Variants in C1QTNF1 observed in about 807,000 individuals in gnomAD.
C1QTNF1 encodes complement C1q tumor necrosis factor-related protein 1.
C1QTNF1 carries 22 observed loss-of-function variants against 27.8 expected under a neutral mutation model. The ratio of observed to expected loss-of-function variants is 0.79; its 90% CI spans 0.56 to 1.13. The LOEUF is 1.13. Among genes scored for constraint, C1QTNF1 ranks in the 50% most tolerant of loss-of-function variants. The pLI is 0.00. For missense variants in C1QTNF1, 373 were observed against 380.2 expected, an observed-to-expected ratio of 0.98 and a Z score of 0.16; for synonymous variants, 166 against 154.3, an observed-to-expected ratio of 1.08 and a Z score of -0.56.
chr17:79,043,957 C>G lies in C1QTNF1; in HGVS notation c.-12C>G. The stretch of plus-strand genomic sequence containing the variant: ...CCTGTGTGTTTCTTTCCCACCAGGG[C>G]CCGGCAGGAAGATGGGCTCCCGTGG... On this transcript the variant is annotated splice_region_variant and 5_prime_UTR_variant, in exon 2 of 4. Transcript: ENST00000579760. 6.2e-7 allele frequency: 1 copy of G among 1,613,934 alleles called. No homozygotes were observed. The highest frequency in any genetic ancestry group is 8.5e-7 in the Non-Finnish European group (1 of 1,180,018).
In C1QTNF1 at chr17:79,049,777, G is replaced by A. The variant is rs2145943060; in HGVS notation, c.*1689G>A. The A allele has an allele frequency of 6.6e-6, 1 of 152,372 alleles. No individual in the cohort carries two copies. Among genetic ancestry groups the A allele is most frequent in the Non-Finnish European group, 1.5e-5 (1 of 68,054 alleles). 9.4% of individuals were successfully genotyped at this position (152,372 alleles called of 1,614,324 possible). ...TCCAGAAAACATTAAACTCAGAATT[G>A]TGTTTTCAGCATCCTGCCTCGTCAG... On this transcript the variant is annotated 3_prime_UTR_variant, in exon 4 of 4. Transcript: ENST00000579760. The surrounding 1 kb of genome is among the most constrained non-coding windows in gnomAD (Gnocchi z 4.4).
At chr17:79,030,319 T>TTG (rs142110810) in intron 1 of C1QTNF1, among the ~76,000 whole-genome samples, 11,710 of 147,858 alleles carry the variant, frequency 0.079, 1,032 homozygotes, top group African/African-American at 0.22. Flanking sequence ...CTTTGTGGTT[T>TTG]TGTGTGTGTG....
intron 1 of C1QTNF1, among the ~76,000 whole-genome samples, chr17:79,041,321 G>A (rs965002754): frequency 2.0e-5 from 3 of 152,186 alleles, no homozygotes; most frequent in African/African-American, 7.2e-5. Context: ...AAGACTGGGT[G>A]TAGGTATGTG....
At chr17:79,032,733 C>T (rs528867456) in intron 1 of C1QTNF1, among the ~76,000 whole-genome samples, 5 of 152,018 alleles carry the variant, frequency 3.3e-5, no homozygotes, top group African/African-American at 4.8e-5. Flanking sequence ...GTGGTAAGGA[C>T]GGGGGAGAAG....
In C1QTNF1 at chr17:79,034,878, C is replaced by T. The variant is rs74388487; in HGVS notation, c.-14-9077C>T. 1.2e-3 allele frequency among the ~76,000 whole-genome samples: 187 copies of T among 152,244 alleles called. 2 individuals carry two copies. In the East Asian group the frequency reaches 0.028, roughly 23 times the overall value. ...GCATCTCTCAGGAAAAGGGGCTGCT[C>T]GGCTCCATCTGGCGAGAATTCCTTC... is the stretch of plus-strand genomic sequence containing the variant. On this transcript the variant is annotated intron_variant, in intron 1 of 3. Transcript: ENST00000579760.
At chr17:79,030,231 A>T (rs755049774) in intron 1 of C1QTNF1, among the ~76,000 whole-genome samples, 1 of 152,166 alleles carries the variant, frequency 6.6e-6, no homozygotes, top group Non-Finnish European at 1.5e-5. Flanking sequence ...GAGAGGCCAA[A>T]ATAAGAAAAT....
chr17:79,029,891 T>A (rs1212684217), intron 1 of C1QTNF1, among the ~76,000 whole-genome samples: 2 of 152,226 alleles, frequency 1.3e-5, no homozygotes, highest in African/African-American at 4.8e-5. Flanking sequence ...GGAAAGGGCA[T>A]CTTGTTCCGT....
Position 79,046,883 on chromosome 17 carries a change from T to G in C1QTNF1, c.295+189T>G. ...ATTCTGATTTTGAGGCTCTGGCCCC[T>G]CTCCAAGAGGAGGGGTTGGAAAGGG... On this transcript the variant is annotated intron_variant, in intron 3 of 3. Coordinates refer to ENST00000579760, the MANE Select transcript of C1QTNF1 (RefSeq NM_030968.5). The surrounding 1 kb of genome is among the most constrained non-coding windows in gnomAD (Gnocchi z 4.8). 1 of 741,894 alleles carries G rather than the reference T, an allele frequency of 1.3e-6. No individual in the cohort carries two copies. 46.0% of individuals were successfully genotyped at this position (741,894 alleles called of 1,614,324 possible). A position where few individuals can be genotyped will look rare whatever the true frequency, so the allele number is the denominator to read the frequency against.
In C1QTNF1 at chr17:79,047,678, G is replaced by A. The variant is rs767734960; in HGVS notation, c.436G>A (p.Ala146Thr). 3 of 1,613,984 alleles carry A rather than the reference G, an allele frequency of 1.9e-6. No individual in the cohort carries two copies. Among genetic ancestry groups the A allele is most frequent in the South Asian group, 2.2e-5 (2 of 91,070 alleles). Residue 146 changes from alanine to threonine, a missense_variant, in exon 4 of 4, where the codon GCC (alanine) becomes ACC (threonine). Physicochemically the swap from Ala to Thr is moderately conservative, Grantham distance 58. Coordinates refer to ENST00000579760, the MANE Select transcript of C1QTNF1 (RefSeq NM_030968.5). Reference sequence around the variant, plus strand: ...TGGGGAGCGGTGCAAGAGCCACTACGCCGCCTTTTCGGTGGGCCGGAAGAA... The same window carrying A: ...TGGGGAGCGGTGCAAGAGCCACTACACCGCCTTTTCGGTGGGCCGGAAGAA... ...APGERCKSHY[A>T]AFSVGRKKPM...
At chr17:79,036,017 G>A (rs1422902459) in intron 1 of C1QTNF1, among the ~76,000 whole-genome samples, 3 of 152,064 alleles carry the variant, frequency 2.0e-5, no homozygotes, top group South Asian at 2.1e-4. Context: ...GGGTCTAAAC[G>A]CCTCTCAGAT....
At chr17:79,024,953 C>G (rs1004793166) in intron 1 of C1QTNF1, 1 of 152,412 alleles carries the variant, frequency 6.6e-6, no homozygotes, top group African/African-American at 2.4e-5. Context: ...ACCACCTGAC[C>G]GCCGGGTCTG....
chr17:79,043,169 ATG>A lies in C1QTNF1; in HGVS notation c.-14-779_-14-778del, dbSNP rs200334100. Among the ~76,000 whole-genome samples the A allele has an allele frequency of 7.6e-5, 11 of 144,312 alleles. No individual in the cohort carries two copies. In the East Asian group the frequency reaches 1.0e-3, roughly 14 times the overall value. The allele number at this position is 144,312 out of a possible 152,430, so 94.7% of individuals were successfully genotyped here. A position where few individuals can be genotyped will look rare whatever the true frequency, so the allele number is the denominator to read the frequency against. On this transcript the variant is annotated intron_variant, in intron 1 of 3. Transcript: ENST00000579760. ...TGCATGTGAGTGCATGTGATGGTAT[ATG>A]TGTGTGAGTGCATGTAAAAGTGTGC...
At chr17:79,033,040 C>T (rs1254770777) in intron 1 of C1QTNF1, among the ~76,000 whole-genome samples, 1 of 149,908 alleles carries the variant, frequency 6.7e-6, no homozygotes, top group Non-Finnish European at 1.5e-5. Context: ...TGTACTCCTG[C>T]CTGGGTGACA....
chr17:79,034,675 C>T (rs1248621416), intron 1 of C1QTNF1: 1 of 152,268 alleles, frequency 6.6e-6, no homozygotes, highest in Admixed American at 6.5e-5. Flanking sequence ...GAAACCGTTG[C>T]TAATTAAGTA....
intron 1 of C1QTNF1, among the ~76,000 whole-genome samples, chr17:79,027,081 CGG>C (rs111808388): frequency 8.1e-6 from 1 of 123,616 alleles, no homozygotes; most frequent in Admixed American, 8.2e-5. Flanking sequence ...TGTTCCTGGG[CGG>C]GGGGGGGCTG....
intron 1 of C1QTNF1, among the ~76,000 whole-genome samples, chr17:79,028,924 G>A (rs549122718): frequency 2.0e-5 from 3 of 152,196 alleles, no homozygotes; most frequent in South Asian, 2.1e-4. Context: ...ATGCACGCGC[G>A]GGTGTTCCTG....
At chr17:79,047,273 A>G in intron 3 of C1QTNF1, 1 of 357,634 alleles carries the variant, frequency 2.8e-6, no homozygotes, top group Non-Finnish European at 4.9e-6. Flanking sequence ...TTCCAGAAGG[A>G]AAAAAAAATT....
chr17:79,041,988 T>A (rs1381995425), intron 1 of C1QTNF1, among the ~76,000 whole-genome samples: 1 of 152,134 alleles, frequency 6.6e-6, no homozygotes, highest in Non-Finnish European at 1.5e-5. Flanking sequence ...CCCAGGGCCT[T>A]TGGAGATGAG....
intron 3 of C1QTNF1, chr17:79,047,018 C>T: frequency 3.1e-6 from 1 of 327,864 alleles, no homozygotes; most frequent in Non-Finnish European, 5.6e-6. Flanking sequence ...GGGCTTGGTC[C>T]CCCAGCCTGC....
Sources: allele counts gnomAD v4.1 joint callset (sites outside exome capture counted in the v4.1 genomes callset), GRCh38; gene constraint gnomAD v4.1.1; non-coding constraint Gnocchi (gnomAD v3.1); transcripts MANE v1.5; gene names NCBI Gene and HGNC (gene_info 2026-07-23, HGNC 2026-07-21).